ZFHX3: variants seen among roughly 807,000 people sequenced by gnomAD.
ZFHX3 encodes zinc finger homeobox 3.
A neutral mutation model predicts 279.1 loss-of-function variants in ZFHX3; 42 were observed. The observed-to-expected ratio is 0.15, with a 90% CI of 0.12 to 0.19. The LOEUF is 0.19. Among genes scored for constraint, ZFHX3 ranks in the 10% least tolerant of loss-of-function variants. The pLI, the probability that ZFHX3 is intolerant of heterozygous loss-of-function variation, is 1.00. For missense variants in ZFHX3, 4,981 were observed against 4,754.0 expected (o/e 1.05, Z -1.40); for synonymous variants, 2,293 against 1,957.8 (o/e 1.17, Z -4.52).
intron 1 of ZFHX3, among the ~76,000 whole-genome samples, chr16:73,873,927 C>T (rs2029879578): frequency 6.6e-6 from 1 of 151,762 alleles, no homozygotes; most frequent in Admixed American, 6.6e-5. Context: ...GCACCACATG[C>T]CTCCAACATT....
At chr16:73,758,077 T>A (rs2142278152) in intron 1 of ZFHX3, among the ~76,000 whole-genome samples, 1 of 152,320 alleles carries the variant, frequency 6.6e-6, no homozygotes, top group African/African-American at 2.4e-5. Context: ...CAGAACATGA[T>A]GTCCTGCCCA....
chr16:73,408,797 C>G (rs1248417851), intron 3 of ZFHX3, among the ~76,000 whole-genome samples: 1 of 151,994 alleles, frequency 6.6e-6, no homozygotes, highest in Non-Finnish European at 1.5e-5. Context: ...CATGGCTTTG[C>G]ATGGAACTCA....
chr16:73,070,827 C>T (rs1471981233), intron 8 of ZFHX3, among the ~76,000 whole-genome samples: 1 of 151,720 alleles, frequency 6.6e-6, no homozygotes, highest in Non-Finnish European at 1.5e-5. Flanking sequence ...CCACCACTCA[C>T]GCCTTCCACC....
At chr16:73,789,966 T>C (rs1959773001) in intron 1 of ZFHX3, among the ~76,000 whole-genome samples, 1 of 152,158 alleles carries the variant, frequency 6.6e-6, no homozygotes, top group African/African-American at 2.4e-5. Flanking sequence ...TATTATCGCA[T>C]TGCACTCTCG....
intron 2 of ZFHX3, among the ~76,000 whole-genome samples, chr16:73,657,493 T>C (rs906734516): frequency 4.6e-5 from 7 of 152,096 alleles, no homozygotes; most frequent in African/African-American, 1.4e-4. Context: ...ATTCATTGGA[T>C]TTTCGTGTAC....
In ZFHX3 at chr16:73,127,505, G is replaced by A. The variant is rs368563784; in HGVS notation, c.-897+3463C>T. The A allele has an allele frequency of 2.4e-5, 31 of 1,305,358 alleles. 1 individual carries two copies. In the African/African-American group the frequency reaches 4.4e-4, roughly 19 times the overall value. The allele number at this position is 1,305,358 out of a possible 1,614,324, so 80.9% of individuals were successfully genotyped here. On this transcript the variant is annotated intron_variant, in intron 7 of 17. Coordinates refer to the ZFHX3 transcript ENST00000641206. ...AGATCACTGGTCCCTGGTGATGGAT[G>A]GGGGAAGAAGAGAGCCCCTGAATGC...
intron 8 of ZFHX3, among the ~76,000 whole-genome samples, chr16:73,069,041 CGTGCTCGGCTGG>C (rs1289076005): frequency 6.6e-6 from 1 of 152,204 alleles, no homozygotes; most frequent in Admixed American, 6.5e-5. Flanking sequence ...CACTCCTCGC[CGTGCTCGGCTGG>C]GTTGACTCTG....
At chr16:72,986,456 C>T (rs1021869917) in intron 1 of ZFHX3, among the ~76,000 whole-genome samples, 2 of 152,166 alleles carry the variant, frequency 1.3e-5, no homozygotes, top group African/African-American at 4.8e-5. Context: ...TGGTCAAATG[C>T]TGATTGTAGA....
In ZFHX3 at chr16:73,674,929, A is replaced by C. The variant is rs1310835903; in HGVS notation, c.-1547+5251T>G. ...TGCCCAGCTGAACCCAGCCCAAATT[A>C]CTGGCCTACAGCACCATGCATGTCC... is the stretch of plus-strand genomic sequence containing the variant. On this transcript the variant is annotated intron_variant, in intron 2 of 17. Transcript: ENST00000641206. 2.0e-5 allele frequency among the ~76,000 whole-genome samples: 3 copies of C among 152,148 alleles called. No individual in the cohort carries two copies. In the East Asian group the frequency reaches 5.8e-4, roughly 29 times the overall value.
intron 1 of ZFHX3, among the ~76,000 whole-genome samples, chr16:73,791,575 C>T (rs912689508): frequency 2.6e-5 from 4 of 152,162 alleles, no homozygotes; most frequent in African/African-American, 7.2e-5. Flanking sequence ...CAGGCGCACA[C>T]CACCATGCCC....
chr16:73,773,951 A>G (rs2054048735), intron 1 of ZFHX3, among the ~76,000 whole-genome samples: 1 of 152,112 alleles, frequency 6.6e-6, no homozygotes, highest in South Asian at 2.1e-4. Context: ...TAACCTGGGC[A>G]ACATAATGAG....
At chr16:72,863,340 TAAAAAAA>T (rs66692129) in intron 4 of ZFHX3, among the ~76,000 whole-genome samples, 14 of 64,622 alleles carry the variant, frequency 2.2e-4, no homozygotes, top group Middle Eastern at 8.3e-3. Flanking sequence ...TCATCTCTAC[TAAAAAAA>T]AAAAAAAAAA....
At chr16:73,423,788 G>C (rs1452043901) in intron 3 of ZFHX3, among the ~76,000 whole-genome samples, 1 of 151,672 alleles carries the variant, frequency 6.6e-6, no homozygotes, top group Non-Finnish European at 1.5e-5. Flanking sequence ...CTTGAACCTG[G>C]GAGGTGGAGG....
chr16:72,876,230 T>C (rs573452647), intron 4 of ZFHX3, among the ~76,000 whole-genome samples: 1 of 152,324 alleles, frequency 6.6e-6, no homozygotes, highest in East Asian at 1.9e-4. Flanking sequence ...AAGAATCTTA[T>C]AGAAGCAAAT....
At chr16:73,028,447 G>T (rs1323590702) in intron 1 of ZFHX3, among the ~76,000 whole-genome samples, 1 of 152,174 alleles carries the variant, frequency 6.6e-6, no homozygotes, top group African/African-American at 2.4e-5. Flanking sequence ...AGAGCCCGGG[G>T]CAGTGTGATG....
At position 73,090,725 on chromosome 16, in the gene ZFHX3, GA is replaced by G. The variant is rs1405893437; in HGVS notation, c.-533+2509del. The stretch of plus-strand genomic sequence containing the variant: ...AACATGGTGAAAACTGGCCTCTACA[GA>G]AAAAAAAAAAAACAAAACAAAAAAC... On this transcript the variant is annotated intron_variant, in intron 8 of 17. Coordinates refer to the ZFHX3 transcript ENST00000641206. Among the ~76,000 whole-genome samples the G allele has an allele frequency of 8.2e-3, 1,071 of 130,548 alleles. 17 individuals carry two copies. The highest frequency in any genetic ancestry group is 0.028 in the African/African-American group (990 of 35,338). 85.6% of individuals were successfully genotyped at this position (130,548 alleles called of 152,430 possible).
intron 2 of ZFHX3, among the ~76,000 whole-genome samples, chr16:73,615,009 G>A (rs749836103): frequency 3.3e-5 from 5 of 151,900 alleles, no homozygotes; most frequent in Non-Finnish European, 5.9e-5. Flanking sequence ...ATGCACCCAC[G>A]TCGGCCTCCC....
At chr16:73,481,620 TTTTGTTGTTGTTTG>T (rs1421675820) in intron 2 of ZFHX3, among the ~76,000 whole-genome samples, 1 of 146,246 alleles carries the variant, frequency 6.8e-6, no homozygotes, top group African/African-American at 2.5e-5. Context: ...GGTGTTGTTT[TTTTGTTGTTGTTTG>T]TTTGTTTGTT....
chr16:73,105,394 C>CAT lies in ZFHX3; in HGVS notation c.-896-11798_-896-11797dup, dbSNP rs35716634. Among the ~76,000 whole-genome samples the CAT allele has an allele frequency of 2.0e-4, 25 of 124,110 alleles. 2 individuals carry two copies. The highest frequency in any genetic ancestry group is 8.4e-4 in the East Asian group (4 of 4,790). The allele number at this position is 124,110 out of a possible 152,430, so 81.4% of individuals were successfully genotyped here. A position where few individuals can be genotyped will look rare whatever the true frequency, so the allele number is the denominator to read the frequency against. On this transcript the variant is annotated intron_variant, in intron 7 of 17. Transcript: ENST00000641206. ...ACATATATATATATACACACACACA[C>CAT]ATATATATATATATACACACACACA... is the stretch of plus-strand genomic sequence containing the variant.
Sources: gnomAD v4.1 joint callset for allele counts (sites outside exome capture counted in the v4.1 genomes callset) on GRCh38, gnomAD v4.1.1 for gene constraint, MANE v1.5 for transcripts, NCBI Gene and HGNC (gene_info 2026-07-23, HGNC 2026-07-21) for gene names.